The following CAND2 variants were observed in gnomAD, a reference collection of about 807,000 sequenced individuals.
CAND2 encodes the protein cullin associated and neddylation dissociated 2 (putative), also known as cullin-associated NEDD8-dissociated protein 2.
Under a neutral mutation model 98.9 loss-of-function variants are expected in CAND2, and 62 were observed. That is an observed-to-expected ratio of 0.63 (90% CI 0.51 to 0.77). The LOEUF is 0.77. Ranked by LOEUF, CAND2 falls within the 30% of genes least tolerant of loss-of-function variation. The probability of loss-of-function intolerance (pLI) is 0.00; values close to 1 mark genes in which losing one functional copy is unlikely to be tolerated. For synonymous variants in CAND2, 770 were observed against 731.9 expected, an observed-to-expected ratio of 1.05 and a Z score of -0.84; for missense variants, 1,501 against 1,655.2, an observed-to-expected ratio of 0.91 and a Z score of 1.62.
Position 12,810,068 on chromosome 3 carries a change from C to G in CAND2, c.501C>G (p.Val167=). The G allele has an allele frequency of 7.0e-7, 1 of 1,426,084 alleles. No homozygotes were observed. Among genetic ancestry groups the G allele is most frequent in the South Asian group, 1.5e-5 (1 of 67,860 alleles). 88.3% of individuals were successfully genotyped at this position (1,426,084 alleles called of 1,614,324 possible). Residue 167 remains valine (V), a synonymous_variant, in exon 5 of 15, where the codon GTC becomes GTG. Coordinates refer to ENST00000456430, the MANE Select transcript of CAND2 (RefSeq NM_001162499.2). ...ILSDMLSRLG[V]PLGAFHASLL... is the part of the protein sequence containing the mutation. The stretch of plus-strand genomic sequence containing the variant: ...CCCTCGTGCTCCCCAGGCTGGGTGT[C>G]CCGCTGGGCGCCTTCCACGCCAGCC...
In CAND2 at chr3:12,833,903, C is replaced by T. The variant is rs368369424; in HGVS notation, c.3632C>T (p.Pro1211Leu). 85 of 1,614,124 alleles carry T rather than the reference C, an allele frequency of 5.3e-5. No homozygotes were observed. The highest frequency in any genetic ancestry group is 6.6e-5 in the Non-Finnish European group (78 of 1,180,062). The change falls in exon 15 of 15, where the codon CCT (proline) becomes CTT (leucine). Residue 1211 changes from proline (P) to leucine (L), a missense_variant. This residue lies in a region of CAND2 where 1,427 missense variants were observed against 1,545.3 expected (regional missense o/e 0.92). Transcript: ENST00000456430. Reference protein sequence around the residue: ...ADFSSQIRSNPELAALFESIQ... With the variant: ...ADFSSQIRSNLELAALFESIQ... ...TTCTCTTCCCAAATCAGATCCAACC[C>T]TGAACTTGCTGCCCTCTTTGAAAGC...
chr3:12,810,186 A>G lies in CAND2; in HGVS notation c.619A>G (p.Ser207Gly). The G allele has an allele frequency of 6.5e-7, 1 of 1,538,304 alleles. No individual in the cohort carries two copies. The highest frequency in any genetic ancestry group is 8.7e-7 in the Non-Finnish European group (1 of 1,147,742). The change falls in exon 5 of 15, where the codon AGC (serine) becomes GGC (glycine). Residue 207 changes from serine (S) to glycine (G), a missense_variant. By Grantham distance (56) the Ser-to-Gly change is moderately conservative. This residue lies in a region of CAND2 where 1,427 missense variants were observed against 1,545.3 expected (regional missense o/e 0.92). Coordinates refer to ENST00000456430, the MANE Select transcript of CAND2 (RefSeq NM_001162499.2). ...GALGHLAAAC[S>G]TDLFVELADH... ...GCTTGGCCACCTGGCGGCCGCCTGC[A>G]GCACCGACCTCTTCGTCGAGCTCGC...
At chr3:12,814,444 G>A (rs963622238) in intron 7 of CAND2, among the ~76,000 whole-genome samples, 1 of 152,168 alleles carries the variant, frequency 6.6e-6, no homozygotes, top group Admixed American at 6.5e-5. Context: ...ATGGAGCTTG[G>A]CAGTACCTTC....
In CAND2 at chr3:12,811,306, A is replaced by G. The variant is rs542344154; in HGVS notation, c.757+982A>G. On this transcript the variant is annotated intron_variant, in intron 5 of 14. Transcript: ENST00000456430. ...CAGATACCCAGACAGAATGGAGTCT[A>G]GGAGTGTTGGGGGTCTCTAGGTCAG... Among the ~76,000 whole-genome samples, 16 of 152,240 alleles carry G rather than the reference A, an allele frequency of 1.1e-4. No individual in the cohort carries two copies. In the South Asian group the frequency reaches 2.9e-3, roughly 28 times the overall value.
In CAND2 at chr3:12,817,219, G is replaced by T; in HGVS notation, c.2287G>T (p.Ala763Ser). The stretch of plus-strand genomic sequence containing the variant: ...GGCAGCTGCTGAAGGCTTCCTGCAG[G>T]CCCTGGTAGGGACCCGTCCCCCGTG... ...VLAAAEGFLQ[A>S]LVGTRPPCVD... The change falls in exon 10 of 15, where the codon GCC (alanine) becomes TCC (serine). Residue 763 changes from alanine (A) to serine (S), a missense_variant. By Grantham distance (99) the Ala-to-Ser change is moderately conservative. This residue lies in a region of CAND2 where 1,427 missense variants were observed against 1,545.3 expected (regional missense o/e 0.92). Coordinates refer to ENST00000456430, the MANE Select transcript of CAND2 (RefSeq NM_001162499.2). The T allele has an allele frequency of 6.2e-7, 1 of 1,613,644 alleles. No homozygotes were observed. The highest frequency in any genetic ancestry group is 1.1e-5 in the South Asian group (1 of 91,088).
At position 12,816,542 on chromosome 3, in the gene CAND2, T is replaced by G. The variant is rs1206219231; in HGVS notation, c.1610T>G (p.Ile537Ser). 1 of 1,613,968 alleles carries G rather than the reference T, an allele frequency of 6.2e-7. No individual in the cohort carries two copies. The highest frequency in any genetic ancestry group is 2.2e-5 in the East Asian group (1 of 44,876). ...MACVADSFYKIAAEALVVLQE... is the reference protein window; with the variant it reads ...MACVADSFYKSAAEALVVLQE... ...TGTGTGGCTGACTCTTTCTACAAGATTGCAGCCGAGGCCCTGGTGGTGCTG... is the reference window on the plus strand; with the variant it reads ...TGTGTGGCTGACTCTTTCTACAAGAGTGCAGCCGAGGCCCTGGTGGTGCTG... Residue 537 changes from isoleucine to serine, a missense_variant, in exon 10 of 15, where the codon ATT becomes AGT. By Grantham distance (142) the Ile-to-Ser change is moderately radical (BLOSUM62 -2). Coordinates refer to ENST00000456430, the MANE Select transcript of CAND2 (RefSeq NM_001162499.2).
intron 10 of CAND2, among the ~76,000 whole-genome samples, chr3:12,818,286 C>T (rs1005857595): frequency 6.6e-6 from 1 of 151,952 alleles, no homozygotes; most frequent in Non-Finnish European, 1.5e-5. Flanking sequence ...AAACAAAAAA[C>T]CTCATGATGC....
At position 12,803,552 on chromosome 3, in the gene CAND2, A is replaced by T; in HGVS notation, c.133A>T (p.Ser45Cys). 1 of 1,613,690 alleles carries T rather than the reference A, an allele frequency of 6.2e-7. No homozygotes were observed. The highest frequency in any genetic ancestry group is 8.5e-7 in the Non-Finnish European group (1 of 1,179,812). ...GGACTCCATCCAGCTGGACGAGGACAGCGAGCGCAAGGTGGTGAAGATGCT... is the reference window on the plus strand; with the variant it reads ...GGACTCCATCCAGCTGGACGAGGACTGCGAGCGCAAGGTGGTGAAGATGCT... ...QKDSIQLDED[S>C]ERKVVKMLLR... Residue 45 changes from serine to cysteine, a missense_variant, in exon 2 of 15, where the codon AGC (serine) becomes TGC (cysteine). This residue lies in a region of CAND2 where 62 missense variants were observed against 77.3 expected (regional missense o/e 0.80). Coordinates refer to ENST00000456430, the MANE Select transcript of CAND2 (RefSeq NM_001162499.2).
intron 3 of CAND2, 54 bp downstream of exon 3, chr3:12,807,514 A>G: frequency 7.4e-7 from 1 of 1,346,306 alleles, no homozygotes; most frequent in Non-Finnish European, 9.6e-7. Flanking sequence ...GTTTATGGTA[A>G]AAAAACAAAC....
Position 12,834,239 on chromosome 3 carries a change from G to A in CAND2, c.*257G>A. ...TCATCCAAAGAAATAGGGTGAGGAAGTTTTCCAGTGACTTCACACTGTACC... is the reference window on the plus strand; with the variant it reads ...TCATCCAAAGAAATAGGGTGAGGAAATTTTCCAGTGACTTCACACTGTACC... On this transcript the variant is annotated 3_prime_UTR_variant, in exon 15 of 15. Coordinates refer to ENST00000456430, the MANE Select transcript of CAND2 (RefSeq NM_001162499.2). 9.7e-6 allele frequency: 5 copies of A among 513,362 alleles called. No individual in the cohort carries two copies. The highest frequency in any genetic ancestry group is 9.2e-5 in the South Asian group (4 of 43,468). 31.8% of individuals were successfully genotyped at this position (513,362 alleles called of 1,614,324 possible). A position where few individuals can be genotyped will look rare whatever the true frequency, so the allele number is the denominator to read the frequency against.
chr3:12,831,389 C>G, intron 13 of CAND2, 76 bp from the exon 14 acceptor site: 1 of 1,201,026 alleles, frequency 8.3e-7, no homozygotes, highest in Non-Finnish European at 1.2e-6. Context: ...TGTGGGGCCT[C>G]TGCTCTTTCC....
At position 12,813,467 on chromosome 3, in the gene CAND2, G is replaced by A. The variant is rs548477696; in HGVS notation, c.1006+79G>A. On this transcript the variant is annotated intron_variant, in intron 7 of 14. Coordinates refer to ENST00000456430, the MANE Select transcript of CAND2 (RefSeq NM_001162499.2). ...CTGGGATCCCCCAACCAAAGACAGC[G>A]GTCACATTTGGTGCCCCTGTCCTGA... The A allele has an allele frequency of 2.8e-4, 408 of 1,450,682 alleles. 1 individual carries two copies. Among genetic ancestry groups the A allele is most frequent in the African/African-American group, 1.4e-3 (100 of 71,788 alleles). 89.9% of individuals were successfully genotyped at this position (1,450,682 alleles called of 1,614,324 possible).
chr3:12,813,070 CAGGCTTTTG>C lies in CAND2; in HGVS notation c.843_851del (p.Glu283_Phe285del). ...TGATGAGCTCCGGGAGTCCTGCCTCCAGGCTTTTGAGGCCTTCTTGAGGAAGTATGTATG... is the reference window on the plus strand; with the variant it reads ...TGATGAGCTCCGGGAGTCCTGCCTCCAGGCCTTCTTGAGGAAGTATGTATG... On this transcript the variant is annotated inframe_deletion, in exon 6 of 15. Transcript: ENST00000456430. 6.3e-7 allele frequency: 1 copy of C among 1,581,242 alleles called. No individual in the cohort carries two copies. Among genetic ancestry groups the C allele is most frequent in the Non-Finnish European group, 8.6e-7 (1 of 1,163,822 alleles).
chr3:12,825,854 G>A (rs2061995394), intron 12 of CAND2, among the ~76,000 whole-genome samples: 3 of 152,210 alleles, frequency 2.0e-5, no homozygotes, highest in Non-Finnish European at 2.9e-5. Context: ...GGTGCTAATT[G>A]TGTCTGCGTC....
chr3:12,802,861 C>A (rs958561259), intron 1 of CAND2, among the ~76,000 whole-genome samples: 1 of 152,148 alleles, frequency 6.6e-6, no homozygotes, highest in African/African-American at 2.4e-5. Context: ...GGCTACAAAC[C>A]TGTATTGAGT....
In CAND2 at chr3:12,817,238, C is replaced by T. The variant is rs1434437459; in HGVS notation, c.2306C>T (p.Pro769Leu). Residue 769 changes from proline (P) to leucine (L), a missense_variant, in exon 10 of 15, where the codon CCC (proline) becomes CTC (leucine). Transcript: ENST00000456430. ...GFLQALVGTR[P>L]PCVDYAKLIS... ...CTGCAGGCCCTGGTAGGGACCCGTC[C>T]CCCGTGTGTGGACTATGCCAAACTC... 6.2e-7 allele frequency: 1 copy of T among 1,613,896 alleles called. No individual in the cohort carries two copies. Among genetic ancestry groups the T allele is most frequent in the East Asian group, 2.2e-5 (1 of 44,888 alleles).
chr3:12,817,894 G>T lies in CAND2; in HGVS notation c.2944+18G>T. 6.7e-7 allele frequency: 1 copy of T among 1,492,752 alleles called. No homozygotes were observed. 92.5% of individuals were successfully genotyped at this position (1,492,752 alleles called of 1,614,324 possible). A position where few individuals can be genotyped will look rare whatever the true frequency, so the allele number is the denominator to read the frequency against. ...TGCTGCAGGTAGGCACACAGGTGTG[G>T]GCAAGGCAGCCCACCTCGGAGGTGG... On this transcript the variant is annotated intron_variant, in intron 10 of 14. Transcript: ENST00000456430.
chr3:12,811,817 C>G (rs1026680891), intron 5 of CAND2, among the ~76,000 whole-genome samples: 8 of 152,150 alleles, frequency 5.3e-5, no homozygotes, highest in Admixed American at 3.3e-4. Flanking sequence ...CTTGTGATCC[C>G]ATGATCTGCC....
Position 12,801,147 on chromosome 3 carries a change from C to T in CAND2, c.69-2341C>T, listed in dbSNP as rs867692731. Among the ~76,000 whole-genome samples the T allele has an allele frequency of 6.6e-5, 10 of 151,636 alleles. 1 individual carries two copies. The highest frequency in any genetic ancestry group is 6.6e-5 in the Admixed American group (1 of 15,196). ...TTGCCTCCCGGGTTCAAGTGATTCA[C>T]CTGCCTCAGCCTTCCCAGTAGCTAG... On this transcript the variant is annotated intron_variant, in intron 1 of 14. Coordinates refer to ENST00000456430, the MANE Select transcript of CAND2 (RefSeq NM_001162499.2).
Sources: allele counts gnomAD v4.1 joint callset (sites outside exome capture counted in the v4.1 genomes callset), GRCh38; gene constraint gnomAD v4.1.1; regional missense constraint gnomAD v4.1.1; transcripts MANE v1.5; gene names NCBI Gene and HGNC (gene_info 2026-07-23, HGNC 2026-07-21).